The following KANK1 variants were observed in gnomAD, a reference collection of about 807,000 sequenced individuals.
KANK1 encodes KN motif and ankyrin repeat domains 1.
A neutral mutation model predicts 106.2 loss-of-function variants in KANK1; 109 were observed. That is an observed-to-expected ratio of 1.03 (90% CI 0.88 to 1.20). The LOEUF is 1.20. KANK1 is among the 50% of genes most tolerant of loss of function. KANK1 has a pLI of 0.00. For synonymous variants in KANK1, 873 were observed against 652.2 expected (o/e 1.34, Z -5.16); for missense variants, 2,399 against 1,710.7 (o/e 1.40, Z -7.10).
intron 1 of KANK1, among the ~76,000 whole-genome samples, chr9:599,682 C>G (rs1264142055): frequency 1.3e-5 from 2 of 151,788 alleles, no homozygotes; most frequent in African/African-American, 2.4e-5. Flanking sequence ...TGCTTTTATG[C>G]AGATATTTTC....
intron 3 of KANK1, among the ~76,000 whole-genome samples, chr9:716,472 A>G (rs116736164): frequency 0.029 from 4,399 of 152,288 alleles, 196 homozygotes; most frequent in African/African-American, 0.1. Flanking sequence ...CCCCTACCCA[A>G]TTATTATACC....
intron 1 of KANK1, among the ~76,000 whole-genome samples, chr9:640,206 A>T (rs1838088298): frequency 6.6e-6 from 1 of 152,100 alleles, no homozygotes; most frequent in South Asian, 2.1e-4. Context: ...GTCCATCTGA[A>T]TGGAAACTCC....
At chr9:649,046 C>T (rs1225776456) in intron 1 of KANK1, among the ~76,000 whole-genome samples, 1 of 152,098 alleles carries the variant, frequency 6.6e-6, no homozygotes, top group Non-Finnish European at 1.5e-5. Flanking sequence ...TGACATCTGA[C>T]GTTATTGTCA....
chr9:662,742 A>G (rs532369583), intron 1 of KANK1, among the ~76,000 whole-genome samples: 60 of 149,988 alleles, frequency 4.0e-4, no homozygotes, highest in African/African-American at 1.4e-3. Context: ...GCTCACTGCA[A>G]TCTCCACCTC....
chr9:480,735 T>C (rs1445992626), intron 3 of KANK1, among the ~76,000 whole-genome samples: 1 of 152,196 alleles, frequency 6.6e-6, no homozygotes, highest in East Asian at 1.9e-4. Context: ...AGGGGAGCCG[T>C]GTATTAGAGA....
At chr9:686,889 G>A (rs1306995337) in intron 2 of KANK1, 1 of 985,356 alleles carries the variant, frequency 1.0e-6, no homozygotes, top group Non-Finnish European at 1.2e-6. Flanking sequence ...GATTGTAAAT[G>A]AAGAATCCTG....
intron 5 of KANK1, 92 bp from the exon 6 acceptor site, chr9:732,286 G>A: frequency 7.0e-7 from 1 of 1,438,362 alleles, no homozygotes; most frequent in East Asian, 2.3e-5. Context: ...TGAAATTTCT[G>A]GAGTCAATTA....
chr9:700,949 A>G (rs1191194710), intron 2 of KANK1, among the ~76,000 whole-genome samples: 1 of 152,176 alleles, frequency 6.6e-6, no homozygotes, highest in African/African-American at 2.4e-5. Flanking sequence ...AGTCCACAGG[A>G]CACATTATTT....
upstream of KANK1, among the ~76,000 whole-genome samples, chr9:503,051 A>T (rs549710254): frequency 5.4e-5 from 5 of 92,520 alleles, no homozygotes; most frequent in South Asian, 9.7e-4. Flanking sequence ...ATTTCACTGT[A>T]TTGCCCAGAA....
At chr9:548,450 G>C (rs966472498) in intron 1 of KANK1, among the ~76,000 whole-genome samples, 1 of 152,144 alleles carries the variant, frequency 6.6e-6, no homozygotes, top group Non-Finnish European at 1.5e-5. Context: ...TCAGCAGCAC[G>C]TACAGATGCC....
intron 1 of KANK1, among the ~76,000 whole-genome samples, chr9:533,538 A>G (rs2060160033): frequency 1.3e-5 from 2 of 152,176 alleles, no homozygotes; most frequent in South Asian, 2.1e-4. Context: ...CTCCTCCAAA[A>G]CACTCTTAGA....
Position 645,764 on chromosome 9 carries a change from A to G in KANK1, c.-83-31126A>G, listed in dbSNP as rs1177924671. On this transcript the variant is annotated intron_variant, in intron 1 of 11. Coordinates refer to ENST00000382297, the MANE Select transcript of KANK1 (RefSeq NM_015158.5). Reference sequence around the variant, plus strand: ...GGGTGTGGTGGTGGCATGCACCTGTAATCCTGACCAGCCAGCTGAGATCGT... The same window carrying G: ...GGGTGTGGTGGTGGCATGCACCTGTGATCCTGACCAGCCAGCTGAGATCGT... Among the ~76,000 whole-genome samples, 4 of 150,560 alleles carry G rather than the reference A, an allele frequency of 2.7e-5. No homozygotes were observed. In the East Asian group the frequency reaches 7.7e-4, roughly 29 times the overall value.
At chr9:513,229 A>G (rs781568001) in intron 1 of KANK1, among the ~76,000 whole-genome samples, 6 of 152,250 alleles carry the variant, frequency 3.9e-5, no homozygotes, top group Non-Finnish European at 8.8e-5. Context: ...CTTAGCATTT[A>G]AATTATGAAT....
upstream of KANK1, among the ~76,000 whole-genome samples, chr9:500,326 T>C (rs1403797252): frequency 6.6e-6 from 1 of 152,152 alleles, no homozygotes; most frequent in Non-Finnish European, 1.5e-5. Flanking sequence ...CTGAAAGAGA[T>C]CCCATAGATA....
intron 1 of KANK1, among the ~76,000 whole-genome samples, chr9:655,709 C>T (rs985823146): frequency 1.3e-5 from 2 of 152,142 alleles, no homozygotes; most frequent in Non-Finnish European, 2.9e-5. Flanking sequence ...TATATTTTTA[C>T]GTAGTATAGA....
chr9:741,656 T>G lies in KANK1; in HGVS notation c.3697-549T>G, dbSNP rs1046414456. Among the ~76,000 whole-genome samples, 4 of 151,764 alleles carry G rather than the reference T, an allele frequency of 2.6e-5. No homozygotes were observed. In the South Asian group the frequency reaches 8.3e-4, roughly 32 times the overall value. ...GCGCCCACCCCCACGTCCGGCTTAT[T>G]TTTTGTATTTTTAGTAGAGACAAGG... On this transcript the variant is annotated intron_variant, in intron 9 of 11. Coordinates refer to ENST00000382297, the MANE Select transcript of KANK1 (RefSeq NM_015158.5).
chr9:744,418 T>C lies in KANK1; in HGVS notation c.3898-73T>C, dbSNP rs35167826. On this transcript the variant is annotated intron_variant, in intron 10 of 11. Transcript: ENST00000382297. ...CCTTGCCAATTATTGGAGGGTGTTT[T>C]GTTCTGTTACCTTTCGGTTGTCTGG... 20,104 of 1,522,674 alleles carry C rather than the reference T, an allele frequency of 0.013. 737 individuals are homozygous for C. Among genetic ancestry groups the C allele is most frequent in the African/African-American group, 0.13 (9,202 of 72,492 alleles). The allele number at this position is 1,522,674 out of a possible 1,614,324, so 94.3% of individuals were successfully genotyped here.
rs184389356 is a variant in KANK1 at position 721,969 on chromosome 9, C to G, written c.2699-8082C>G. On this transcript the variant is annotated intron_variant, in intron 3 of 11. Coordinates refer to ENST00000382297, the MANE Select transcript of KANK1 (RefSeq NM_015158.5). ...GCCTTTCCCATCTCCATAGCTCACA[C>G]CTCAGGATTGAGGTGTACCGAAACC... 1.4e-3 allele frequency among the ~76,000 whole-genome samples: 220 copies of G among 152,358 alleles called. 4 individuals carry two copies. In the Middle Eastern group the frequency reaches 0.024, roughly 16 times the overall value.
At chr9:744,624 T>C in intron 11 of KANK1, 35 bp downstream of exon 11, 5 of 1,614,074 alleles carry the variant, frequency 3.1e-6, no homozygotes, top group Non-Finnish European at 4.2e-6. Context: ...GTAAATAGGC[T>C]GAAATCCACC....
Sources: gnomAD v4.1 joint callset for allele counts (sites outside exome capture counted in the v4.1 genomes callset) on GRCh38, gnomAD v4.1.1 for gene constraint, MANE v1.5 for transcripts, NCBI Gene and HGNC (gene_info 2026-07-23, HGNC 2026-07-21) for gene names.